The following PI4KA variants were observed in gnomAD, a reference collection of about 807,000 sequenced individuals.
The protein encoded by PI4KA is PI4-kinase alpha.
In PI4KA, 122 loss-of-function variants were observed where a neutral mutation model predicts 271.4. That is an observed-to-expected ratio of 0.45 (90% CI 0.39 to 0.52). The LOEUF (loss-of-function observed/expected upper bound fraction) is 0.52. Among genes scored for constraint, PI4KA ranks in the 20% least tolerant of loss-of-function variants. The pLI is 0.00. For missense variants in PI4KA, 1,969 were observed against 2,769.1 expected, an observed-to-expected ratio of 0.71 and a Z score of 6.48; for synonymous variants, 1,041 against 1,078.8, an observed-to-expected ratio of 0.96 and a Z score of 0.69.
At chr22:20,830,962 G>C (rs193207396) in intron 3 of PI4KA, among the ~76,000 whole-genome samples, 8 of 151,956 alleles carry the variant, frequency 5.3e-5, no homozygotes, top group Non-Finnish European at 8.8e-5. Context: ...TAGTGGAAAC[G>C]GGGTTTCACC....
intron 22 of PI4KA, among the ~76,000 whole-genome samples, chr22:20,764,294 T>A (rs984756379): frequency 6.6e-6 from 1 of 152,190 alleles, no homozygotes; most frequent in African/African-American, 2.4e-5. Flanking sequence ...AATCCAAGCT[T>A]ACTTCTGAGG....
chr22:20,834,536 T>G, intron 3 of PI4KA, 26 bp downstream of exon 3: 2 of 1,347,434 alleles, frequency 1.5e-6, no homozygotes, highest in Non-Finnish European at 1.1e-6. Flanking sequence ...TCTCTTATAT[T>G]CAGGGAAAAC....
chr22:20,730,126 T>C (rs573780063), intron 36 of PI4KA, 115 bp from the exon 37 acceptor site: 1 of 1,177,174 alleles, frequency 8.5e-7, no homozygotes, highest in African/African-American at 1.5e-5. Context: ...AGGCATTTTC[T>C]GGAGTCCTGG....
intron 26 of PI4KA, 121 bp downstream of exon 26, chr22:20,751,552 TA>T: frequency 1.0e-6 from 1 of 988,842 alleles, no homozygotes; most frequent in Non-Finnish European, 1.6e-6. Flanking sequence ...TCGACACCTG[TA>T]GCATTAATTA....
In PI4KA at chr22:20,824,307, TCAAC is replaced by T. The variant is rs761374743; in HGVS notation, c.456+15_456+18del. ...CAATCTAATAGAAATGCATACCAAA[TCAAC>T]CAACACATGCTTACCTCATCCCTAA... On this transcript the variant is annotated intron_variant, in intron 4 of 54. Transcript: ENST00000255882. 1 of 1,526,282 alleles carries T rather than the reference TCAAC, an allele frequency of 6.6e-7. No individual in the cohort carries two copies. Among genetic ancestry groups the T allele is most frequent in the Non-Finnish European group, 9.1e-7 (1 of 1,100,190 alleles). The allele number at this position is 1,526,282 out of a possible 1,614,324, so 94.5% of individuals were successfully genotyped here.
intron 8 of PI4KA, among the ~76,000 whole-genome samples, chr22:20,811,873 C>A (rs962748856): frequency 1.3e-5 from 2 of 151,824 alleles, no homozygotes; most frequent in Non-Finnish European, 1.5e-5. Flanking sequence ...CTTAGCCGGG[C>A]GTGGTGGTGG....
At chr22:20,817,383 A>G (rs1312675991) in intron 7 of PI4KA, among the ~76,000 whole-genome samples, 1 of 152,138 alleles carries the variant, frequency 6.6e-6, no homozygotes, top group African/African-American at 2.4e-5. Flanking sequence ...CAGGGTAGTC[A>G]CATGAATCCA....
At chr22:20,833,006 T>G (rs1224848525) in intron 3 of PI4KA, among the ~76,000 whole-genome samples, 1 of 152,196 alleles carries the variant, frequency 6.6e-6, no homozygotes, top group Non-Finnish European at 1.5e-5. Context: ...CTCTTTCTTA[T>G]CTTCATTGGC....
chr22:20,729,799 C>G (rs1927798341), intron 37 of PI4KA, 88 bp from the exon 38 acceptor site: 1 of 1,588,444 alleles, frequency 6.3e-7, no homozygotes, highest in African/African-American at 1.3e-5. Context: ...TTGCAGTGCT[C>G]TGTTCTGCTG....
rs190922373 is a variant in PI4KA, at chr22:20,821,932, G to A, written c.457-1321C>T. Among the ~76,000 whole-genome samples, 538 of 152,282 alleles carry A rather than the reference G, an allele frequency of 3.5e-3. 3 individuals are homozygous for A. Among genetic ancestry groups the A allele is most frequent in the Middle Eastern group, 6.8e-3 (2 of 292 alleles). On this transcript the variant is annotated intron_variant, in intron 4 of 54. Coordinates refer to ENST00000255882, the MANE Select transcript of PI4KA (RefSeq NM_058004.4). ...TTGGGAGGCTGAAGCGGGTGGATCA[G>A]TTGAGCTCAGGAGTTCAGACCTGCC...
In PI4KA at chr22:20,833,657, G is replaced by GT. The variant is rs361962; in HGVS notation, c.367+904dup. Among the ~76,000 whole-genome samples the GT allele has an allele frequency of 8.0e-3, 586 of 72,994 alleles. 6 individuals carry two copies. Among genetic ancestry groups the GT allele is most frequent in the African/African-American group, 0.015 (275 of 17,924 alleles). The allele number at this position is 72,994 out of a possible 152,430, so 47.9% of individuals were successfully genotyped here. On this transcript the variant is annotated intron_variant, in intron 3 of 54. Transcript: ENST00000255882. ...CCCAGACTAGTTTTGGTTTGTTTTT[G>GT]TTTTTTTTTTTTTTTTTTTTTGAGA...
Position 20,769,754 on chromosome 22 carries a change from G to A in PI4KA, c.2329-4061C>T, listed in dbSNP as rs111804356. 7.4e-3 allele frequency among the ~76,000 whole-genome samples: 1,124 copies of A among 151,654 alleles called. 12 individuals are homozygous for A. The highest frequency in any genetic ancestry group is 0.025 in the African/African-American group (1,047 of 41,408). On this transcript the variant is annotated intron_variant, in intron 19 of 54. Transcript: ENST00000255882. ...CTAAAGAGATATAACAGTCAAATGC[G>A]ACACATGAAACCCTGACCAGATAAA...
At chr22:20,768,010 C>T (rs2147412466) in intron 19 of PI4KA, among the ~76,000 whole-genome samples, 1 of 150,144 alleles carries the variant, frequency 6.7e-6, no homozygotes, top group African/African-American at 2.4e-5. Context: ...TAAAAGTAAA[C>T]TTTAATGTCA....
At chr22:20,780,056 C>A in intron 19 of PI4KA, 1 of 1,614,064 alleles carries the variant, frequency 6.2e-7, no homozygotes, top group Non-Finnish European at 8.5e-7. Flanking sequence ...TTGCTGAGGC[C>A]CAGATAGCTG....
At chr22:20,754,536 CAG>C (rs1931062887) in intron 23 of PI4KA, among the ~76,000 whole-genome samples, 1 of 152,250 alleles carries the variant, frequency 6.6e-6, no homozygotes, top group African/African-American at 2.4e-5. Flanking sequence ...TGAAGTTATG[CAG>C]AGATCATGTC....
chr22:20,794,398 T>A (rs1277835896), intron 18 of PI4KA, among the ~76,000 whole-genome samples: 1 of 152,144 alleles, frequency 6.6e-6, no homozygotes, highest in Non-Finnish European at 1.5e-5. Context: ...CCCACTCTTA[T>A]CCTGATGCCT....
intron 3 of PI4KA, among the ~76,000 whole-genome samples, chr22:20,831,585 AAAAACAAAAACAAAAACAAAAACAAAAAC>A (rs1163258935): frequency 1.9e-5 from 2 of 107,304 alleles, no homozygotes; most frequent in Admixed American, 1.0e-4. Context: ...AAACAAAAAC[AAAAACAAAAACAAAAACAAAAACAAAAAC>A]AAAACAAAAC....
intron 40 of PI4KA, 91 bp from the exon 41 acceptor site, chr22:20,727,488 G>T: frequency 8.1e-7 from 1 of 1,231,232 alleles, no homozygotes; most frequent in Non-Finnish European, 1.1e-6. Context: ...ACGGCCATGA[G>T]AAGTGATGTT....
At chr22:20,786,852 T>C (rs1438378168) in intron 19 of PI4KA, 5 of 1,613,832 alleles carry the variant, frequency 3.1e-6, no homozygotes, top group South Asian at 1.1e-5. Flanking sequence ...CTCCAGAATC[T>C]GACAACTTTC....
Sources: gnomAD v4.1 joint callset for allele counts (sites outside exome capture counted in the v4.1 genomes callset) on GRCh38, gnomAD v4.1.1 for gene constraint, MANE v1.5 for transcripts, NCBI Gene and HGNC (gene_info 2026-07-23, HGNC 2026-07-21) for gene names.